Variants in PTPN9 observed in about 807,000 individuals in gnomAD.
PTPN9 encodes the protein tyrosine-protein phosphatase non-receptor type 9.
PTPN9 carries 26 observed loss-of-function variants against 69.8 expected under a neutral mutation model. The observed-to-expected ratio is 0.37, with a 90% confidence interval of 0.27 to 0.52. The LOEUF (loss-of-function observed/expected upper bound fraction) is 0.52, where lower values mean the gene tolerates loss of function less well. PTPN9 is among the 20% of genes least tolerant of loss of function. The pLI, the probability that PTPN9 is intolerant of heterozygous loss-of-function variation, is 0.91. For synonymous variants in PTPN9, 274 were observed against 272.5 expected (o/e 1.01, Z -0.05); for missense variants, 549 against 740.3 (o/e 0.74, Z 3.00).
At chr15:75,477,258 T>C (rs1424052933) in intron 9 of PTPN9, among the ~76,000 whole-genome samples, 1 of 152,244 alleles carries the variant, frequency 6.6e-6, no homozygotes, top group African/African-American at 2.4e-5. Context: ...ATAGCATTTA[T>C]GCATCTGATA....
At chr15:75,558,346 G>T (rs2075086422) in intron 1 of PTPN9, among the ~76,000 whole-genome samples, 1 of 149,080 alleles carries the variant, frequency 6.7e-6, no homozygotes, top group African/African-American at 2.5e-5. Context: ...AGAAAAAATA[G>T]AAATACAAAA....
chr15:75,470,850 G>T lies in PTPN9; in HGVS notation c.1209-20C>A. 6.2e-7 allele frequency: 1 copy of T among 1,611,158 alleles called. No homozygotes were observed. Among genetic ancestry groups the T allele is most frequent in the South Asian group, 1.1e-5 (1 of 90,846 alleles). ...TCAAAGCTGAAGACACACAGAGCAAGGTAAGCCTTCCATCGTTCCTCTCCA... is the reference window on the plus strand; with the variant it reads ...TCAAAGCTGAAGACACACAGAGCAATGTAAGCCTTCCATCGTTCCTCTCCA... On this transcript the variant is annotated intron_variant, in intron 10 of 12. Coordinates refer to ENST00000618819, the MANE Select transcript of PTPN9 (RefSeq NM_002833.4).
At chr15:75,541,899 G>T (rs893505987) in intron 1 of PTPN9, among the ~76,000 whole-genome samples, 1 of 151,788 alleles carries the variant, frequency 6.6e-6, no homozygotes, top group Non-Finnish European at 1.5e-5. Flanking sequence ...TTAGCTGGGA[G>T]TGGTGGCGTG....
At chr15:75,576,269 C>T (rs1244768984) in intron 1 of PTPN9, among the ~76,000 whole-genome samples, 1 of 148,712 alleles carries the variant, frequency 6.7e-6, no homozygotes, top group East Asian at 2.0e-4. Context: ...CAGTGGCTCA[C>T]ACCTGTGATC....
At chr15:75,503,885 G>T (rs1403192304) in intron 7 of PTPN9, among the ~76,000 whole-genome samples, 4 of 113,372 alleles carry the variant, frequency 3.5e-5, no homozygotes, top group Non-Finnish European at 5.3e-5. Context: ...CCGGCCAGCC[G>T]CCCCGTCCGG....
chr15:75,526,618 C>G (rs1198708975), intron 2 of PTPN9, among the ~76,000 whole-genome samples: 1 of 152,156 alleles, frequency 6.6e-6, no homozygotes, highest in Non-Finnish European at 1.5e-5. Flanking sequence ...AATCCTGATG[C>G]CGCTACATTT....
At chr15:75,574,916 T>C (rs1158919461) in intron 1 of PTPN9, among the ~76,000 whole-genome samples, 2 of 126,598 alleles carry the variant, frequency 1.6e-5, no homozygotes, top group Non-Finnish European at 1.6e-5. Flanking sequence ...CATTCCAGCC[T>C]GGGCAACAAG....
At chr15:75,503,602 C>G (rs2074789684) in intron 7 of PTPN9, among the ~76,000 whole-genome samples, 1 of 137,190 alleles carries the variant, frequency 7.3e-6, no homozygotes, top group African/African-American at 2.7e-5. Flanking sequence ...GTGGGGGGGT[C>G]AGCCCCCCGC....
At chr15:75,562,245 T>A (rs2075107020) in intron 1 of PTPN9, among the ~76,000 whole-genome samples, 1 of 152,208 alleles carries the variant, frequency 6.6e-6, no homozygotes, top group Non-Finnish European at 1.5e-5. Flanking sequence ...ATTAACCTCA[T>A]TAAATCATAT....
intron 10 of PTPN9, 125 bp from the exon 11 acceptor site, chr15:75,470,955 C>A: frequency 3.4e-6 from 4 of 1,170,100 alleles, no homozygotes; most frequent in Non-Finnish European, 4.8e-6. Context: ...CTAACTTACA[C>A]CATTGATTCT....
In PTPN9 at chr15:75,539,949, C is replaced by T. The variant is rs564908722; in HGVS notation, c.64-12688G>A. ...ACTCCCCTGACCTCCCAAAGTGCTG[C>T]GATTATAGGCAAGAGCCGCCACGTC... On this transcript the variant is annotated intron_variant, in intron 1 of 12. Transcript: ENST00000618819. Among the ~76,000 whole-genome samples the T allele has an allele frequency of 3.9e-5, 6 of 152,182 alleles. No homozygotes were observed. The South Asian group carries it at 1.2e-3, about 32-fold the overall frequency.
chr15:75,529,613 G>C (rs1027061817), intron 1 of PTPN9, among the ~76,000 whole-genome samples: 22 of 152,098 alleles, frequency 1.4e-4, no homozygotes, highest in African/African-American at 4.6e-4. Flanking sequence ...TTTTTCAATT[G>C]AAAAATAAAG....
intron 8 of PTPN9, among the ~76,000 whole-genome samples, chr15:75,486,653 A>C (rs1052571926): frequency 1.3e-5 from 2 of 152,228 alleles, no homozygotes; most frequent in African/African-American, 4.8e-5. Flanking sequence ...CAAATCAAGT[A>C]AACAATTCAC....
chr15:75,478,041 A>G (rs1394747711), intron 9 of PTPN9, among the ~76,000 whole-genome samples: 3 of 151,818 alleles, frequency 2.0e-5, no homozygotes, highest in East Asian at 3.9e-4. Context: ...GTGTTTCACC[A>G]TATTGGCCAG....
chr15:75,535,606 C>A (rs2074979510), intron 1 of PTPN9, among the ~76,000 whole-genome samples: 2 of 152,080 alleles, frequency 1.3e-5, no homozygotes, highest in South Asian at 4.1e-4. Flanking sequence ...GAAAGTGATT[C>A]AAGATAAGAT....
At chr15:75,523,920 C>T (rs1436415064) in intron 3 of PTPN9, among the ~76,000 whole-genome samples, 1 of 151,844 alleles carries the variant, frequency 6.6e-6, no homozygotes, top group Non-Finnish European at 1.5e-5. Context: ...TGGAGACTCT[C>T]TAGATTCAGG....
intron 1 of PTPN9, among the ~76,000 whole-genome samples, chr15:75,535,813 ACT>A (rs1219810261): frequency 6.6e-6 from 1 of 152,020 alleles, no homozygotes; most frequent in Non-Finnish European, 1.5e-5. Flanking sequence ...GCTAGGTGAG[ACT>A]CTGAGCAAAG....
At position 75,496,828 on chromosome 15, in the gene PTPN9, G is replaced by T. The variant is rs185693047; in HGVS notation, c.969-6527C>A. 2.6e-5 allele frequency among the ~76,000 whole-genome samples: 4 copies of T among 152,146 alleles called. No homozygotes were observed. The East Asian group carries it at 7.7e-4, about 29-fold the overall frequency. On this transcript the variant is annotated intron_variant, in intron 7 of 12. Transcript: ENST00000618819. ...GGCATATTATAAGCATTTTAATTTA[G>T]AATTAGGGATGAAATACCAGGGGAA... is the stretch of plus-strand genomic sequence containing the variant.
At chr15:75,478,773 G>A (rs1246142230) in intron 9 of PTPN9, among the ~76,000 whole-genome samples, 2 of 152,224 alleles carry the variant, frequency 1.3e-5, no homozygotes, top group Non-Finnish European at 2.9e-5. Flanking sequence ...ATCAGGAGGT[G>A]TACATAATGT....
Sources: gnomAD v4.1 joint callset for allele counts (sites outside exome capture counted in the v4.1 genomes callset) on GRCh38, gnomAD v4.1.1 for gene constraint, MANE v1.5 for transcripts, NCBI Gene and HGNC (gene_info 2026-07-23, HGNC 2026-07-21) for gene names.